The following GNPTG variants were observed in gnomAD, a reference collection of about 807,000 sequenced individuals.
GNPTG encodes N-acetylglucosamine-1-phosphotransferase subunit gamma.
Under a neutral mutation model 43.8 loss-of-function variants are expected in GNPTG, and 46 were observed. That is an observed-to-expected ratio of 1.05 (90% CI 0.83 to 1.34). GNPTG has a LOEUF of 1.34. Among genes scored for constraint, GNPTG ranks in the 40% most tolerant of loss-of-function variants. The pLI is 0.00. For synonymous variants in GNPTG, 250 were observed against 172.8 expected (o/e 1.45, Z -3.50); for missense variants, 549 against 411.3 (o/e 1.33, Z -2.90).
In GNPTG at chr16:1,361,975, G is replaced by C. The variant is rs1293208348; in HGVS notation, c.317+20G>C. On this transcript the variant is annotated intron_variant, in intron 5 of 10. Transcript: ENST00000204679. ...CCTCGGGTGAGTGGGGCCGGGGCAGGGATCCCAAAGCAGCAGCGCAGCTCC... is the reference window on the plus strand; with the variant it reads ...CCTCGGGTGAGTGGGGCCGGGGCAGCGATCCCAAAGCAGCAGCGCAGCTCC... The C allele has an allele frequency of 1.2e-6, 2 of 1,613,372 alleles. No individual in the cohort carries two copies. The highest frequency in any genetic ancestry group is 2.2e-5 in the South Asian group (2 of 91,086).
intron 3 of GNPTG, among the ~76,000 whole-genome samples, chr16:1,355,353 G>C (rs998129477): frequency 2.6e-5 from 4 of 152,216 alleles, no homozygotes. Context: ...GAGCTGAGCA[G>C]AAAGATAATC....
intron 3 of GNPTG, 106 bp from the exon 4 acceptor site, chr16:1,361,637 C>T: frequency 1.7e-6 from 2 of 1,148,048 alleles, no homozygotes. Flanking sequence ...GAGTGAGACT[C>T]CATCTCAAAA....
In GNPTG at chr16:1,361,377, G is replaced by A. The variant is rs555611395; in HGVS notation, c.179-366G>A. The A allele has an allele frequency of 6.7e-4, 204 of 305,726 alleles. 1 individual carries two copies. Among genetic ancestry groups the A allele is most frequent in the South Asian group, 2.5e-3 (80 of 32,288 alleles). The allele number at this position is 305,726 out of a possible 1,614,324, so 18.9% of individuals were successfully genotyped here. ...AACTGGTCCTTGGCCGGGCGCGGTGGCTCAAACCTGTAATCCCAGCACTTT... is the reference window on the plus strand; with the variant it reads ...AACTGGTCCTTGGCCGGGCGCGGTGACTCAAACCTGTAATCCCAGCACTTT... On this transcript the variant is annotated intron_variant, in intron 3 of 10. Coordinates refer to ENST00000204679, the MANE Select transcript of GNPTG (RefSeq NM_032520.5).
At position 1,362,849 on chromosome 16, in the gene GNPTG, A is replaced by AACTC. The variant is rs1381690623; in HGVS notation, c.766_767insACTC (p.Ile256AsnfsTer44). The AACTC allele has an allele frequency of 6.2e-7, 1 of 1,613,662 alleles. No individual in the cohort carries two copies. Among genetic ancestry groups the AACTC allele is most frequent in the Non-Finnish European group, 8.5e-7 (1 of 1,179,940 alleles). On this transcript the variant is annotated frameshift_variant, in exon 10 of 11. Transcript: ENST00000204679. LOFTEE classifies it high-confidence loss of function. ...GGCTCATAAAGAACTCTCAAAGGAG[A>AACTC]TCAAAAGGCTGAAAGGTTTGCTCAC...
chr16:1,358,249 T>G (rs374042407), intron 3 of GNPTG: 3 of 152,276 alleles, frequency 2.0e-5, no homozygotes, highest in African/African-American at 7.2e-5. Flanking sequence ...TCTCCACAAC[T>G]TGCTCTGTCC....
At chr16:1,354,119 G>A (rs2034731158) in intron 3 of GNPTG, among the ~76,000 whole-genome samples, 1 of 152,168 alleles carries the variant, frequency 6.6e-6, no homozygotes, top group Non-Finnish European at 1.5e-5. Flanking sequence ...CCATGGGATG[G>A]TGGCTTCCCA....
chr16:1,362,959 G>T (rs781395282), intron 10 of GNPTG, 38 bp from the exon 11 acceptor site: 1 of 1,612,268 alleles, frequency 6.2e-7, no homozygotes, highest in Non-Finnish European at 8.5e-7. Flanking sequence ...CGCCACCTGT[G>T]GGTCCAGGTG....
At position 1,363,011 on chromosome 16, in the gene GNPTG, GAGCA is replaced by G; in HGVS notation, c.839_842del (p.Glu280AlafsTer53). The stretch of plus-strand genomic sequence containing the variant: ...TGTTTTGGCAGAAACTTCCAACTTG[GAGCA>G]CTTGGGCCACGAGACGCCCAGAGCC... On this transcript the variant is annotated frameshift_variant, in exon 11 of 11. Coordinates refer to ENST00000204679, the MANE Select transcript of GNPTG (RefSeq NM_032520.5). LOFTEE classifies it low-confidence loss of function (END_TRUNC). 1 of 1,614,074 alleles carries G rather than the reference GAGCA, an allele frequency of 6.2e-7. No individual in the cohort carries two copies. Among genetic ancestry groups the G allele is most frequent in the East Asian group, 2.2e-5 (1 of 44,860 alleles).
intron 3 of GNPTG, among the ~76,000 whole-genome samples, chr16:1,353,293 C>T (rs986042490): frequency 1.3e-5 from 2 of 152,248 alleles, no homozygotes; most frequent in African/African-American, 4.8e-5. Flanking sequence ...ATTTTATTAT[C>T]GAATACCTTT....
At chr16:1,358,423 C>T (rs537268607) in intron 3 of GNPTG, 1 of 152,340 alleles carries the variant, frequency 6.6e-6, no homozygotes, top group South Asian at 2.1e-4. Flanking sequence ...CCCAAGGTCC[C>T]CCAGGCTGGA....
chr16:1,361,643 CAAAAA>C, intron 3 of GNPTG, 95 bp from the exon 4 acceptor site: 2 of 1,277,390 alleles, frequency 1.6e-6, no homozygotes, highest in South Asian at 1.3e-5. Context: ...GACTCCATCT[CAAAAA>C]AAAAGAAAAC....
Position 1,363,360 on chromosome 16 carries a change from G to A in GNPTG, c.*269G>A. 1 of 456,834 alleles carries A rather than the reference G, an allele frequency of 2.2e-6. No individual in the cohort carries two copies. Among genetic ancestry groups the A allele is most frequent in the Non-Finnish European group, 4.0e-6 (1 of 247,666 alleles). The allele number at this position is 456,834 out of a possible 1,614,324, so 28.3% of individuals were successfully genotyped here. Reference sequence around the variant, plus strand: ...AATGATTATAAATACTACCTTCTGGGTTAAGAAAATTCCATTCAAATAACA... The same window carrying A: ...AATGATTATAAATACTACCTTCTGGATTAAGAAAATTCCATTCAAATAACA... On this transcript the variant is annotated 3_prime_UTR_variant, in exon 11 of 11. Coordinates refer to ENST00000204679, the MANE Select transcript of GNPTG (RefSeq NM_032520.5).
intron 3 of GNPTG, among the ~76,000 whole-genome samples, chr16:1,354,303 T>C (rs1157070845): frequency 6.6e-6 from 1 of 151,972 alleles, no homozygotes; most frequent in African/African-American, 2.4e-5. Flanking sequence ...AAACAGAATA[T>C]GCTGGTCGTG....
intron 3 of GNPTG, among the ~76,000 whole-genome samples, chr16:1,360,028 G>C (rs1439689064): frequency 6.6e-6 from 1 of 151,986 alleles, no homozygotes. Flanking sequence ...AAAATCGGTT[G>C]AACCCAGTGG....
At position 1,362,698 on chromosome 16, in the gene GNPTG, G is replaced by A. The variant is rs374564369; in HGVS notation, c.697G>A (p.Gly233Ser). Residue 233 changes from glycine (G) to serine (S), a missense_variant, in exon 9 of 11, where the codon GGT (glycine) becomes AGT (serine). Transcript: ENST00000204679. ...EENEPTQLEG[G>S]PDSLGFETLE... ...AAATGAACCCACCCAGCTGGAGGGA[G>A]GTCCTGACAGCTTGGGGTTTGAGAC... 6.2e-7 allele frequency: 1 copy of A among 1,614,108 alleles called. No individual in the cohort carries two copies. Among genetic ancestry groups the A allele is most frequent in the Non-Finnish European group, 8.5e-7 (1 of 1,180,036 alleles).
At chr16:1,356,106 C>A (rs1567181064) in intron 3 of GNPTG, among the ~76,000 whole-genome samples, 1 of 152,062 alleles carries the variant, frequency 6.6e-6, no homozygotes, top group African/African-American at 2.4e-5. Flanking sequence ...GGATTGTCAC[C>A]AAGAGACGCA....
intron 3 of GNPTG, 97 bp from the exon 4 acceptor site, chr16:1,361,643 CAAA>C: frequency 2.3e-6 from 3 of 1,277,390 alleles, no homozygotes; most frequent in Non-Finnish European, 3.3e-6. Flanking sequence ...GACTCCATCT[CAAA>C]AAAAAAGAAA....
chr16:1,359,306 G>C (rs1040371234), intron 3 of GNPTG, among the ~76,000 whole-genome samples: 1 of 151,466 alleles, frequency 6.6e-6, no homozygotes, highest in Middle Eastern at 3.2e-3. Flanking sequence ...TAACTCTGTA[G>C]CCCAGGCTGG....
intron 3 of GNPTG, chr16:1,359,048 G>C (rs780944542): frequency 6.6e-6 from 1 of 152,058 alleles, no homozygotes; most frequent in Non-Finnish European, 1.5e-5. Flanking sequence ...AGTAGAGACG[G>C]GGTTTCACCA....
Sources: gnomAD v4.1 joint callset for allele counts (sites outside exome capture counted in the v4.1 genomes callset) on GRCh38, gnomAD v4.1.1 for gene constraint, MANE v1.5 for transcripts, NCBI Gene and HGNC (gene_info 2026-07-23, HGNC 2026-07-21) for gene names.